Variants in ASTN1 observed in about 807,000 individuals in gnomAD.
ASTN1 encodes the protein astrotactin-1.
A neutral mutation model predicts 140.7 loss-of-function variants in ASTN1; 41 were observed. The ratio of observed to expected loss-of-function variants is 0.29; its 90% CI spans 0.23 to 0.38. The LOEUF is 0.38. Ranked by LOEUF, ASTN1 falls within the 10% of genes least tolerant of loss-of-function variation. ASTN1 has a pLI of 1.00. For missense variants in ASTN1, 1,479 were observed against 1,678.8 expected (o/e 0.88, Z 2.08); for synonymous variants, 640 against 652.2 (o/e 0.98, Z 0.29).
intron 8 of ASTN1, among the ~76,000 whole-genome samples, chr1:176,996,482 C>T (rs1180673768): frequency 1.3e-5 from 2 of 152,144 alleles, no homozygotes; most frequent in African/African-American, 4.8e-5. Context: ...TCACTATGCC[C>T]TACATTCTGT....
chr1:176,964,098 A>C (rs1672773645), intron 9 of ASTN1, among the ~76,000 whole-genome samples: 1 of 152,212 alleles, frequency 6.6e-6, no homozygotes. Flanking sequence ...GAAGCTTTGC[A>C]AAAGAGTGAG....
chr1:176,886,011 T>G (rs1480011542), intron 18 of ASTN1, among the ~76,000 whole-genome samples: 1 of 152,096 alleles, frequency 6.6e-6, no homozygotes, highest in African/African-American at 2.4e-5. Context: ...ATTCATTAAT[T>G]AGAGTCATAT....
At chr1:177,042,813 T>C (rs959217205) in intron 2 of ASTN1, among the ~76,000 whole-genome samples, 4 of 152,240 alleles carry the variant, frequency 2.6e-5, no homozygotes, top group Admixed American at 2.6e-4. Flanking sequence ...CACTGTGGTC[T>C]GGGCTCTAAT....
At chr1:176,886,239 A>G (rs1056536759) in intron 18 of ASTN1, among the ~76,000 whole-genome samples, 5 of 152,360 alleles carry the variant, frequency 3.3e-5, no homozygotes, top group Admixed American at 2.0e-4. Context: ...CAAGAAAAGG[A>G]AAGTCCTTAA....
chr1:177,028,034 AC>A (rs1676216148), intron 5 of ASTN1, among the ~76,000 whole-genome samples: 1 of 152,168 alleles, frequency 6.6e-6, no homozygotes, highest in Non-Finnish European at 1.5e-5. Flanking sequence ...AGCATCTGTT[AC>A]AGGAAAAATC....
At position 176,943,969 on chromosome 1, in the gene ASTN1, C is replaced by T; in HGVS notation, c.2299G>A (p.Val767Met). ...TTCTCCAGGGGCACAGTGGCCACCA[C>T]AAGACCATCTGGCAGTTGCTGGTCT... is the stretch of plus-strand genomic sequence containing the variant. ...GLDQQLPDGLVVATVPLENQC... is the reference protein window; with the variant it reads ...GLDQQLPDGLMVATVPLENQC... The change falls in exon 14 of 23, where the codon GTG becomes ATG. Residue 767 changes from valine (V) to methionine (M), a missense_variant. Transcript: ENST00000361833. The T allele has an allele frequency of 6.2e-7, 1 of 1,614,098 alleles. No individual in the cohort carries two copies. Among genetic ancestry groups the T allele is most frequent in the Non-Finnish European group, 8.5e-7 (1 of 1,179,994 alleles).
intron 8 of ASTN1, among the ~76,000 whole-genome samples, chr1:176,984,119 C>T (rs1008655992): frequency 6.6e-6 from 1 of 152,210 alleles, no homozygotes; most frequent in African/African-American, 2.4e-5. Context: ...CATACCTCAT[C>T]GATACCGTGA....
chr1:176,983,123 A>G (rs1315509897), intron 8 of ASTN1, among the ~76,000 whole-genome samples: 1 of 152,134 alleles, frequency 6.6e-6, no homozygotes, highest in African/African-American at 2.4e-5. Flanking sequence ...CAGGAAGGGG[A>G]GAGCTGAAGA....
rs74445186 is a variant in ASTN1 at position 177,091,954 on chromosome 1, T to C, written c.284-30689A>G. On this transcript the variant is annotated intron_variant, in intron 1 of 22. Coordinates refer to ENST00000361833, the MANE Select transcript of ASTN1 (RefSeq NM_004319.3). ...TTTTTAATATTATGAATAATGCTAC[T>C]ATAAAATTTTATGTATACTTTTTTT... 6.6e-3 allele frequency among the ~76,000 whole-genome samples: 998 copies of C among 152,316 alleles called. 7 individuals are homozygous for C. Among genetic ancestry groups the C allele is most frequent in the African/African-American group, 0.022 (915 of 41,578 alleles).
intron 7 of ASTN1, among the ~76,000 whole-genome samples, chr1:177,022,512 T>G (rs1675882753): frequency 6.6e-6 from 1 of 152,208 alleles, no homozygotes; most frequent in Non-Finnish European, 1.5e-5. Flanking sequence ...GCTCCTGGCT[T>G]TGTTGGAACC....
intron 2 of ASTN1, among the ~76,000 whole-genome samples, chr1:177,048,824 A>G (rs1677382382): frequency 1.3e-5 from 2 of 152,218 alleles, no homozygotes; most frequent in South Asian, 4.1e-4. Context: ...GCTGAAGGCA[A>G]TGGCTCTGAA....
chr1:176,873,569 T>C (rs1320713377), intron 21 of ASTN1, among the ~76,000 whole-genome samples: 1 of 152,138 alleles, frequency 6.6e-6, no homozygotes, highest in East Asian at 1.9e-4. Flanking sequence ...AACTCAGACC[T>C]GAGTGCTGCG....
intron 16 of ASTN1, among the ~76,000 whole-genome samples, chr1:176,929,693 T>A (rs958232824): frequency 6.6e-6 from 1 of 151,758 alleles, no homozygotes; most frequent in Non-Finnish European, 1.5e-5. Context: ...AGCTGAGGAG[T>A]GATGTCATTA....
intron 8 of ASTN1, among the ~76,000 whole-genome samples, chr1:176,986,259 C>G (rs534304091): frequency 2.6e-5 from 4 of 152,288 alleles, no homozygotes; most frequent in African/African-American, 9.6e-5. Flanking sequence ...GGGTTCTGAT[C>G]ACTCCAGAGG....
At chr1:176,860,647 A>C (rs1218608896), downstream of ASTN1, among the ~76,000 whole-genome samples, 1 of 152,166 alleles carries the variant, frequency 6.6e-6, no homozygotes, top group Non-Finnish European at 1.5e-5. Flanking sequence ...CCAAAGTATA[A>C]ATTTCAGCAG....
At chr1:176,993,615 T>TCTAATCAATGTCAGA (rs1674293649) in intron 8 of ASTN1, among the ~76,000 whole-genome samples, 1 of 152,182 alleles carries the variant, frequency 6.6e-6, no homozygotes, top group Non-Finnish European at 1.5e-5. Context: ...GACACTTGAG[T>TCTAATCAATGTCAGA]CACCTAATCA....
intron 8 of ASTN1, among the ~76,000 whole-genome samples, chr1:177,001,226 A>G (rs1674714708): frequency 2.0e-5 from 3 of 152,230 alleles, no homozygotes; most frequent in Non-Finnish European, 4.4e-5. Flanking sequence ...ATGACAGTGC[A>G]ATTTTACATA....
intron 8 of ASTN1, among the ~76,000 whole-genome samples, chr1:177,005,517 C>T (rs886311820): frequency 6.6e-6 from 1 of 152,124 alleles, no homozygotes; most frequent in East Asian, 1.9e-4. Context: ...CAAAAAGACA[C>T]CTGCATGTAT....
At chr1:176,960,937 A>G (rs1672631420) in intron 9 of ASTN1, among the ~76,000 whole-genome samples, 1 of 152,040 alleles carries the variant, frequency 6.6e-6, no homozygotes. Flanking sequence ...GAGCCTGTGC[A>G]CCTGACTCAG....
Sources: allele counts gnomAD v4.1 joint callset (sites outside exome capture counted in the v4.1 genomes callset), GRCh38; gene constraint gnomAD v4.1.1; transcripts MANE v1.5; gene names NCBI Gene and HGNC (gene_info 2026-07-23, HGNC 2026-07-21).